Variants in WLS observed in about 807,000 individuals in gnomAD.
The protein encoded by WLS is Wnt ligand secretion mediator.
Under a neutral mutation model 62.8 loss-of-function variants are expected in WLS, and 23 were observed. That is an observed-to-expected ratio of 0.37 (90% confidence interval 0.26 to 0.52). The LOEUF (loss-of-function observed/expected upper bound fraction) is 0.52. Among genes scored for constraint, WLS ranks in the 20% least tolerant of loss-of-function variants. WLS has a pLI of 0.92. For synonymous variants in WLS, 246 were observed against 244.1 expected (o/e 1.01, Z -0.07); for missense variants, 615 against 697.3 (o/e 0.88, Z 1.33).
downstream of WLS, among the ~76,000 whole-genome samples, chr1:68,121,954 T>C (rs1466923855): frequency 6.6e-6 from 1 of 152,208 alleles, no homozygotes; most frequent in African/African-American, 2.4e-5. Flanking sequence ...TTATTCCTTG[T>C]CCACCAAAAA....
chr1:68,162,522 G>C (rs1214604130), intron 2 of WLS: 1 of 1,611,710 alleles, frequency 6.2e-7, no homozygotes, highest in Non-Finnish European at 8.5e-7. Context: ...CCTACCCCCT[G>C]CGATCAAAGC....
intron 1 of WLS, among the ~76,000 whole-genome samples, chr1:68,225,333 A>G (rs1473162028): frequency 2.0e-5 from 3 of 152,172 alleles, no homozygotes; most frequent in Non-Finnish European, 2.9e-5. Flanking sequence ...GAGATCATTA[A>G]GTTTGAGAAT....
chr1:68,170,164 T>TTTTCTTTTTTTTC (rs1553131203), intron 2 of WLS, among the ~76,000 whole-genome samples: 1 of 142,390 alleles, frequency 7.0e-6, no homozygotes, highest in South Asian at 2.3e-4. Context: ...CTATTTCTTT[T>TTTTCTTTTTTTTC]TTTTTTTTTT....
In WLS at chr1:68,126,162, C is replaced by A; in HGVS notation, c.*64G>T. On this transcript the variant is annotated 3_prime_UTR_variant, in exon 12 of 12. Transcript: ENST00000262348. Reference sequence around the variant, plus strand: ...TGTACATTGAGCTCTCTCTGGCATGCTCCCCACTCTAGTTAGAGGGGCTGG... The same window carrying A: ...TGTACATTGAGCTCTCTCTGGCATGATCCCCACTCTAGTTAGAGGGGCTGG... 1 of 1,595,952 alleles carries A rather than the reference C, an allele frequency of 6.3e-7. No individual in the cohort carries two copies. The highest frequency in any genetic ancestry group is 2.3e-5 in the East Asian group (1 of 44,012).
intron 7 of WLS, 113 bp from the exon 8 acceptor site, chr1:68,148,312 G>T: frequency 8.7e-7 from 1 of 1,154,846 alleles, no homozygotes; most frequent in Non-Finnish European, 1.3e-6. Flanking sequence ...CTGTATTTAG[G>T]CTAAAAAACA....
intron 11 of WLS, among the ~76,000 whole-genome samples, chr1:68,110,467 TA>T (rs1646210794): frequency 1.3e-5 from 2 of 152,066 alleles, no homozygotes; most frequent in Non-Finnish European, 2.9e-5. Flanking sequence ...GACATATTAT[TA>T]TTGCATTAAA....
At chr1:68,221,803 C>T (rs1649952907) in intron 1 of WLS, among the ~76,000 whole-genome samples, 1 of 152,048 alleles carries the variant, frequency 6.6e-6, no homozygotes, top group African/African-American at 2.4e-5. Context: ...TCAGTTTCAA[C>T]AAAATGAAAA....
intron 1 of WLS, among the ~76,000 whole-genome samples, chr1:68,196,136 G>T (rs12723245): frequency 0.05 from 7,543 of 151,220 alleles, 245 homozygotes; most frequent in East Asian, 0.13. Context: ...GGATATTGAA[G>T]ATTAAATTAA....
At chr1:68,219,062 C>T (rs1649845827) in intron 1 of WLS, among the ~76,000 whole-genome samples, 1 of 152,158 alleles carries the variant, frequency 6.6e-6, no homozygotes, top group Non-Finnish European at 1.5e-5. Flanking sequence ...AACACATTTA[C>T]TTCTTAAAGA....
chr1:68,157,697 A>G (rs1266989354), intron 3 of WLS, among the ~76,000 whole-genome samples: 1 of 152,128 alleles, frequency 6.6e-6, no homozygotes, highest in African/African-American at 2.4e-5. Context: ...AGACTTGATG[A>G]TTCATTTCCT....
chr1:68,104,611 T>G (rs954823043), intron 11 of WLS, among the ~76,000 whole-genome samples: 8 of 152,156 alleles, frequency 5.3e-5, no homozygotes, highest in Non-Finnish European at 2.9e-5. Flanking sequence ...CTTCTGTATT[T>G]TAAAATTCAG....
intron 1 of WLS, among the ~76,000 whole-genome samples, chr1:68,220,514 T>C (rs951770498): frequency 1.3e-5 from 2 of 152,190 alleles, no homozygotes; most frequent in Non-Finnish European, 2.9e-5. Flanking sequence ...ATGGTTAGTC[T>C]AGGTTACAAA....
chr1:68,150,067 G>A (rs1386471786), intron 6 of WLS, 121 bp downstream of exon 6: 3 of 1,044,642 alleles, frequency 2.9e-6, no homozygotes, highest in Non-Finnish European at 4.2e-6. Context: ...GTTCCCACTT[G>A]TAACTACTAG....
chr1:68,231,914 C>A (rs957825737), intron 1 of WLS: 1 of 500,070 alleles, frequency 2.0e-6, no homozygotes. Flanking sequence ...TCGCGCGATC[C>A]GTCGCCATGC....
At chr1:68,166,923 A>G (rs1647068189) in intron 2 of WLS, among the ~76,000 whole-genome samples, 1 of 152,158 alleles carries the variant, frequency 6.6e-6, no homozygotes, top group Admixed American at 6.5e-5. Flanking sequence ...GTCTCATAGC[A>G]TCCTGCCATC....
chr1:68,208,231 A>G (rs535624155), intron 1 of WLS, among the ~76,000 whole-genome samples: 1 of 152,338 alleles, frequency 6.6e-6, no homozygotes, highest in South Asian at 2.1e-4. Flanking sequence ...ATCTTCACAA[A>G]TTATTATAAA....
chr1:68,103,907 A>G (rs1182834502), intron 11 of WLS, among the ~76,000 whole-genome samples: 2 of 152,140 alleles, frequency 1.3e-5, no homozygotes, highest in African/African-American at 4.8e-5. Context: ...AATTGAACTG[A>G]AACATGGGGT....
chr1:68,152,817 G>A lies in WLS; in HGVS notation c.803+700C>T, dbSNP rs1646845245. ...CATGTTTGTATATTAATAGAATCCAGCAGAAAGGGAGAAGTCAATGATGTG... is the reference window on the plus strand; with the variant it reads ...CATGTTTGTATATTAATAGAATCCAACAGAAAGGGAGAAGTCAATGATGTG... On this transcript the variant is annotated intron_variant, in intron 5 of 11. Coordinates refer to ENST00000262348, the MANE Select transcript of WLS (RefSeq NM_024911.7). Among the ~76,000 whole-genome samples the A allele has an allele frequency of 2.0e-5, 3 of 152,200 alleles. No individual in the cohort carries two copies. The South Asian group carries it at 6.2e-4, about 31-fold the overall frequency.
chr1:68,112,121 T>G (rs1047929389), intron 11 of WLS, among the ~76,000 whole-genome samples: 4 of 152,220 alleles, frequency 2.6e-5, no homozygotes, highest in Non-Finnish European at 4.4e-5. Context: ...AGCGCCAGCC[T>G]GTGCAGATGT....
Sources: allele counts gnomAD v4.1 joint callset (sites outside exome capture counted in the v4.1 genomes callset), GRCh38; gene constraint gnomAD v4.1.1; transcripts MANE v1.5; gene names NCBI Gene and HGNC (gene_info 2026-07-23, HGNC 2026-07-21).